Variants in TAOK3 observed in about 807,000 individuals in gnomAD.
TAOK3 encodes the protein serine/threonine-protein kinase TAO3.
A neutral mutation model predicts 120.4 loss-of-function variants in TAOK3; 40 were observed. The observed-to-expected ratio is 0.33, with a 90% CI of 0.26 to 0.43. TAOK3 has a LOEUF of 0.43. Among genes scored for constraint, TAOK3 ranks in the 20% least tolerant of loss-of-function variants. TAOK3 has a pLI of 1.00. For missense variants in TAOK3, 821 were observed against 1,112.1 expected (o/e 0.74, Z 3.72); for synonymous variants, 355 against 387.5 (o/e 0.92, Z 0.99).
In TAOK3 at chr12:118,152,364, G is replaced by A; in HGVS notation, c.2398C>T (p.Leu800=). Residue 800 remains leucine, a synonymous_variant, in exon 20 of 21, where the codon CTA becomes TTA. Transcript: ENST00000392533. ...AQEAECQALR[L]QLQQEMELLN... is the part of the protein sequence containing the mutation. ...AGCTCCATTTCCTGCTGGAGCTGTA[G>A]CCTCAAGGCCTGGCATTCTGCTTCT... is the stretch of plus-strand genomic sequence containing the variant. The A allele has an allele frequency of 6.2e-7, 1 of 1,613,892 alleles. No individual in the cohort carries two copies.
At chr12:118,367,752 C>G (rs1337503979) in intron 1 of TAOK3, among the ~76,000 whole-genome samples, 1 of 151,532 alleles carries the variant, frequency 6.6e-6, no homozygotes, top group Non-Finnish European at 1.5e-5. Context: ...AAAATCCTCC[C>G]TCCCTCTCTC....
intron 1 of TAOK3, among the ~76,000 whole-genome samples, chr12:118,304,284 A>T (rs983494746): frequency 1.1e-4 from 17 of 152,198 alleles, no homozygotes; most frequent in Admixed American, 1.1e-3. Flanking sequence ...TTCCCCCTTT[A>T]ATTTTGGCTC....
chr12:118,297,676 T>C (rs2042733278), intron 1 of TAOK3, among the ~76,000 whole-genome samples: 1 of 152,138 alleles, frequency 6.6e-6, no homozygotes, highest in Non-Finnish European at 1.5e-5. Flanking sequence ...ATATCATACA[T>C]CATAGGAAAT....
Position 118,220,136 on chromosome 12 carries a change from A to C in TAOK3, c.644-6026T>G, listed in dbSNP as rs377374336. The stretch of plus-strand genomic sequence containing the variant: ...TTGCCCAAGCTTGTCTCAAACTCCC[A>C]GGCTCAGGCGATCCTCCCACCTTAG... On this transcript the variant is annotated intron_variant, in intron 9 of 20. Transcript: ENST00000392533. 2.8e-5 allele frequency among the ~76,000 whole-genome samples: 4 copies of C among 144,788 alleles called. No individual in the cohort carries two copies. In the East Asian group the frequency reaches 8.4e-4, roughly 31 times the overall value. The allele number at this position is 144,788 out of a possible 152,430, so 95.0% of individuals were successfully genotyped here.
chr12:118,249,648 C>T (rs2040664320), intron 3 of TAOK3, among the ~76,000 whole-genome samples: 1 of 150,514 alleles, frequency 6.6e-6, no homozygotes, highest in South Asian at 2.1e-4. Context: ...CATAGCAAAA[C>T]CCTGTATCTA....
intron 9 of TAOK3, among the ~76,000 whole-genome samples, chr12:118,223,069 T>C (rs1310902599): frequency 1.9e-4 from 20 of 106,002 alleles, no homozygotes; most frequent in South Asian, 6.2e-4. Flanking sequence ...TTTCTTTTTT[T>C]TTTTTTTTTT....
chr12:118,233,662 C>G lies in TAOK3; in HGVS notation c.643+12G>C, dbSNP rs377013476. ...TAAAAAATACAATGAAAACAAATAA[C>G]TCTTTACTCACCCAATTCAATACAA... On this transcript the variant is annotated intron_variant, in intron 9 of 20. Transcript: ENST00000392533. The G allele has an allele frequency of 2.5e-6, 4 of 1,569,132 alleles. No homozygotes were observed. In the African/African-American group the frequency reaches 5.4e-5, roughly 21 times the overall value.
At chr12:118,233,201 A>G (rs1358959892) in intron 9 of TAOK3, among the ~76,000 whole-genome samples, 1 of 139,118 alleles carries the variant, frequency 7.2e-6, no homozygotes, top group Non-Finnish European at 1.5e-5. Context: ...GAATTGAACA[A>G]TGAGAACACA....
At chr12:118,167,242 C>T (rs1277077934) in intron 17 of TAOK3, among the ~76,000 whole-genome samples, 2 of 151,844 alleles carry the variant, frequency 1.3e-5, no homozygotes, top group Admixed American at 6.6e-5. Context: ...ATACTCAATC[C>T]TTTAGGCAAA....
intron 2 of TAOK3, among the ~76,000 whole-genome samples, chr12:118,259,691 G>A (rs144525896): frequency 1.3e-5 from 2 of 152,308 alleles, no homozygotes; most frequent in African/African-American, 2.4e-5. Context: ...TGCCCTGGGA[G>A]AATTTCTAGG....
chr12:118,282,189 C>T lies in TAOK3; in HGVS notation c.-193-15430G>A, dbSNP rs774085177. 3.3e-5 allele frequency among the ~76,000 whole-genome samples: 5 copies of T among 152,132 alleles called. 1 individual carries two copies. Among genetic ancestry groups the T allele is most frequent in the Admixed American group, 1.3e-4 (2 of 15,280 alleles). ...TTCTTCTTATGTGTAGAGTTTATTC[C>T]GTTCTGTTTTCTACCAAACCTCTAT... On this transcript the variant is annotated intron_variant, in intron 1 of 20. Transcript: ENST00000392533.
intron 1 of TAOK3, among the ~76,000 whole-genome samples, chr12:118,346,385 G>T (rs1187318637): frequency 6.6e-6 from 1 of 152,116 alleles, no homozygotes; most frequent in Non-Finnish European, 1.5e-5. Flanking sequence ...ACATATATTT[G>T]TCATTACTTT....
intron 1 of TAOK3, among the ~76,000 whole-genome samples, chr12:118,369,319 C>T (rs1220014345): frequency 6.6e-6 from 1 of 152,218 alleles, no homozygotes; most frequent in Non-Finnish European, 1.5e-5. Context: ...TACCTACTCT[C>T]CTAACCCCCC....
rs1456025539 is a variant in TAOK3, at chr12:118,372,464, C to A, written c.-194+184G>T. On this transcript the variant is annotated intron_variant, in intron 1 of 20. Coordinates refer to ENST00000392533, the MANE Select transcript of TAOK3 (RefSeq NM_016281.4). This position sits in a 1 kb window ranked among gnomAD's most constrained non-coding sequence, Gnocchi z 4.6. The stretch of plus-strand genomic sequence containing the variant: ...GTCTTGGACCCTCTCGGAGTCCTCT[C>A]CACTCAGAGCCACTGCCTCGGTCCC... Among the ~76,000 whole-genome samples, 1 of 151,676 alleles carries A rather than the reference C, an allele frequency of 6.6e-6. No homozygotes were observed. The highest frequency in any genetic ancestry group is 6.6e-5 in the Admixed American group (1 of 15,264).
intron 1 of TAOK3, among the ~76,000 whole-genome samples, chr12:118,330,098 T>C (rs898559550): frequency 3.9e-5 from 6 of 152,198 alleles, no homozygotes; most frequent in Non-Finnish European, 5.9e-5. Context: ...ACAGAAGTCC[T>C]AAAATCTGAA....
At chr12:118,273,815 CTAAA>C (rs771576712) in intron 1 of TAOK3, among the ~76,000 whole-genome samples, 2 of 152,132 alleles carry the variant, frequency 1.3e-5, no homozygotes, top group South Asian at 4.1e-4. Flanking sequence ...GACTTTGTCT[CTAAA>C]TAAATAAATA....
chr12:118,174,266 C>G (rs1186046416), intron 16 of TAOK3, among the ~76,000 whole-genome samples: 1 of 151,996 alleles, frequency 6.6e-6, no homozygotes, highest in Non-Finnish European at 1.5e-5. Context: ...ATATAAATAT[C>G]TAAATATATA....
intron 3 of TAOK3, among the ~76,000 whole-genome samples, chr12:118,250,410 T>A (rs2040698322): frequency 6.6e-6 from 1 of 152,192 alleles, no homozygotes; most frequent in South Asian, 2.1e-4. Flanking sequence ...CACACTAAGT[T>A]TATTCCCTGG....
At chr12:118,314,142 A>C (rs1186071966) in intron 1 of TAOK3, among the ~76,000 whole-genome samples, 1 of 152,190 alleles carries the variant, frequency 6.6e-6, no homozygotes, top group African/African-American at 2.4e-5. Flanking sequence ...GGATTTCCTG[A>C]AATTAACGTT....
Sources: gnomAD v4.1 joint callset for allele counts (sites outside exome capture counted in the v4.1 genomes callset) on GRCh38, gnomAD v4.1.1 for gene constraint, Gnocchi (gnomAD v3.1) non-coding constraint, MANE v1.5 for transcripts, NCBI Gene and HGNC (gene_info 2026-07-23, HGNC 2026-07-21) for gene names.